Variants in GTF2F2 observed in about 807,000 individuals in gnomAD.
GTF2F2 encodes the protein ATP-dependent helicase GTF2F2.
In GTF2F2, 23 loss-of-function variants were observed where a neutral mutation model predicts 42.2. The ratio of observed to expected loss-of-function variants is 0.55; its 90% CI spans 0.39 to 0.77. GTF2F2 has a LOEUF of 0.77. Ranked by LOEUF, GTF2F2 falls within the 30% of genes least tolerant of loss-of-function variation. The pLI is 0.00. For synonymous variants in GTF2F2, 105 were observed against 100.8 expected, an observed-to-expected ratio of 1.04 and a Z score of -0.25; for missense variants, 261 against 287.2, an observed-to-expected ratio of 0.91 and a Z score of 0.66.
intron 2 of GTF2F2, among the ~76,000 whole-genome samples, chr13:45,141,581 A>G (rs1229718821): frequency 6.6e-6 from 1 of 152,182 alleles, no homozygotes; most frequent in Non-Finnish European, 1.5e-5. Flanking sequence ...TATTCTATGC[A>G]TTACTAGGCT....
chr13:45,275,515 A>G (rs1876997256), intron 7 of GTF2F2, among the ~76,000 whole-genome samples: 1 of 132,566 alleles, frequency 7.5e-6, no homozygotes, highest in Admixed American at 9.4e-5. Context: ...AAGGGTTCTC[A>G]TTGTTCAATT....
chr13:45,152,799 A>ATT (rs1294304320), intron 4 of GTF2F2, among the ~76,000 whole-genome samples: 13 of 152,074 alleles, frequency 8.5e-5, no homozygotes, highest in Non-Finnish European at 1.6e-4. Flanking sequence ...TTGTTTTGGG[A>ATT]TTTTTATCTG....
chr13:45,133,161 TATA>T (rs1869450589), intron 1 of GTF2F2, among the ~76,000 whole-genome samples: 1 of 152,160 alleles, frequency 6.6e-6, no homozygotes, highest in Admixed American at 6.5e-5. Context: ...AGGGAATGAT[TATA>T]ATGATGGACC....
intron 4 of GTF2F2, among the ~76,000 whole-genome samples, chr13:45,191,739 A>G (rs866710869): frequency 6.6e-6 from 1 of 152,162 alleles, no homozygotes; most frequent in African/African-American, 2.4e-5. Flanking sequence ...TTGTTTTAGA[A>G]CATTGTGATT....
At chr13:45,282,536 CTGT>C (rs2138282472) in intron 7 of GTF2F2, among the ~76,000 whole-genome samples, 1 of 152,278 alleles carries the variant, frequency 6.6e-6, no homozygotes. Flanking sequence ...CAGAGTTTCA[CTGT>C]TGTTGCCCAG....
At chr13:45,236,486 C>CACAT (rs1251130075) in intron 5 of GTF2F2, among the ~76,000 whole-genome samples, 2 of 121,300 alleles carry the variant, frequency 1.6e-5, no homozygotes, top group Non-Finnish European at 3.3e-5. Context: ...CCCCCCGCCA[C>CACAT]ACATACACAC....
chr13:45,148,244 C>G (rs1210822254), intron 2 of GTF2F2, among the ~76,000 whole-genome samples: 1 of 152,156 alleles, frequency 6.6e-6, no homozygotes, highest in Non-Finnish European at 1.5e-5. Flanking sequence ...TTTTCTAGTG[C>G]AAGTTTCCTG....
At chr13:45,266,547 G>A (rs1051235933) in intron 6 of GTF2F2, among the ~76,000 whole-genome samples, 1 of 152,154 alleles carries the variant, frequency 6.6e-6, no homozygotes, top group African/African-American at 2.4e-5. Context: ...AACTGCATCT[G>A]TTAGATAAAC....
At chr13:45,239,733 C>T (rs1207213039) in intron 5 of GTF2F2, among the ~76,000 whole-genome samples, 1 of 152,140 alleles carries the variant, frequency 6.6e-6, no homozygotes, top group African/African-American at 2.4e-5. Context: ...ATATAATGGA[C>T]ATAGTGTGGA....
At chr13:45,245,191 G>A (rs1413145700) in intron 5 of GTF2F2, among the ~76,000 whole-genome samples, 1 of 152,170 alleles carries the variant, frequency 6.6e-6, no homozygotes, top group Non-Finnish European at 1.5e-5. Flanking sequence ...CAAGTAAAAT[G>A]TGGTGAATCC....
At chr13:45,228,669 CTTTTT>C (rs57570023) in intron 5 of GTF2F2, among the ~76,000 whole-genome samples, 3 of 108,292 alleles carry the variant, frequency 2.8e-5, no homozygotes, top group African/African-American at 9.5e-5. Context: ...CAGAGTTAAT[CTTTTT>C]TTTTTTTTTT....
At chr13:45,212,512 C>CTTTCTTTCT (rs1566137219) in intron 5 of GTF2F2, among the ~76,000 whole-genome samples, 10 of 71,986 alleles carry the variant, frequency 1.4e-4, no homozygotes, top group South Asian at 3.5e-4. Flanking sequence ...TCTTTCTTTT[C>CTTTCTTTCT]TTTCTTTCTC....
At chr13:45,255,859 T>C (rs552474835) in intron 6 of GTF2F2, among the ~76,000 whole-genome samples, 1 of 152,214 alleles carries the variant, frequency 6.6e-6, no homozygotes, top group Non-Finnish European at 1.5e-5. Context: ...AGACTGCACT[T>C]TCATAGGCTG....
In GTF2F2 at chr13:45,138,761, T is replaced by G. The variant is rs565447011; in HGVS notation, c.140+1955T>G. Among the ~76,000 whole-genome samples the G allele has an allele frequency of 1.9e-4, 29 of 152,318 alleles. No individual in the cohort carries two copies. In the East Asian group the frequency reaches 3.3e-3, roughly 17 times the overall value. On this transcript the variant is annotated intron_variant, in intron 2 of 7. Transcript: ENST00000340473. ...CCCGGGTTCAAGCGATTCTCCTGCCTTAGCTTCCTGAGTAGCTGGGCTTAT... is the reference window on the plus strand; with the variant it reads ...CCCGGGTTCAAGCGATTCTCCTGCCGTAGCTTCCTGAGTAGCTGGGCTTAT...
intron 5 of GTF2F2, among the ~76,000 whole-genome samples, chr13:45,231,299 G>T (rs1240451480): frequency 1.3e-5 from 2 of 151,950 alleles, no homozygotes; most frequent in African/African-American, 2.4e-5. Flanking sequence ...GTAGTGATGG[G>T]GTTTCACCAT....
intron 4 of GTF2F2, among the ~76,000 whole-genome samples, chr13:45,195,507 G>C (rs945264082): frequency 1.3e-5 from 2 of 150,954 alleles, no homozygotes; most frequent in Non-Finnish European, 2.9e-5. Context: ...CTACAAAATA[G>C]TGTCATGGGT....
intron 5 of GTF2F2, among the ~76,000 whole-genome samples, chr13:45,243,763 C>T (rs1333250746): frequency 2.6e-5 from 4 of 152,118 alleles, no homozygotes; most frequent in African/African-American, 7.2e-5. Flanking sequence ...TGGGTTCAAA[C>T]GATTCTTCTG....
intron 5 of GTF2F2, among the ~76,000 whole-genome samples, chr13:45,243,581 C>T (rs115360870): frequency 0.018 from 2,765 of 152,274 alleles, 80 homozygotes; most frequent in African/African-American, 0.059. Flanking sequence ...CTTTACAATA[C>T]CTAACACAAT....
intron 4 of GTF2F2, among the ~76,000 whole-genome samples, chr13:45,152,558 T>C (rs1438903514): frequency 6.6e-6 from 1 of 152,356 alleles, no homozygotes; most frequent in East Asian, 1.9e-4. Flanking sequence ...TATTTTAGTC[T>C]GAATTTTTCA....
Sources: gnomAD v4.1 joint callset for allele counts (sites outside exome capture counted in the v4.1 genomes callset) on GRCh38, gnomAD v4.1.1 for gene constraint, MANE v1.5 for transcripts, NCBI Gene and HGNC (gene_info 2026-07-23, HGNC 2026-07-21) for gene names.